Variants in NCAN observed in about 807,000 individuals in gnomAD.
The protein encoded by NCAN is neurocan.
Under a neutral mutation model 121.8 loss-of-function variants are expected in NCAN, and 47 were observed. The observed-to-expected ratio is 0.39, with a 90% confidence interval of 0.31 to 0.49. The LOEUF (loss-of-function observed/expected upper bound fraction) is 0.49. NCAN is among the 20% of genes least tolerant of loss of function. The pLI, the probability that NCAN is intolerant of heterozygous loss-of-function variation, is 0.92. For synonymous variants in NCAN, 633 were observed against 702.0 expected (o/e 0.90, Z 1.55); for missense variants, 1,517 against 1,773.4 (o/e 0.86, Z 2.60).
rs776315304 is a variant in NCAN, at chr19:19,224,444, G to A, written c.778+11G>A. The A allele has an allele frequency of 3.1e-6, 5 of 1,611,666 alleles. No homozygotes were observed. The highest frequency in any genetic ancestry group is 4.2e-6 in the Non-Finnish European group (5 of 1,178,722). On this transcript the variant is annotated intron_variant, in intron 5 of 14. Coordinates refer to ENST00000252575, the MANE Select transcript of NCAN (RefSeq NM_004386.3). ...CCCGGGAGCTGGGGGGTAAGTCTGGGACTGGCAGGACCCGGCCCCTCCGCC... is the reference window on the plus strand; with the variant it reads ...CCCGGGAGCTGGGGGGTAAGTCTGGAACTGGCAGGACCCGGCCCCTCCGCC...
intron 8 of NCAN, among the ~76,000 whole-genome samples, chr19:19,228,923 A>G (rs547174849): frequency 7.0e-4 from 106 of 152,318 alleles, no homozygotes; most frequent in South Asian, 2.7e-3. Flanking sequence ...GAGAGTAGTG[A>G]GTGGCCGGGC....
At position 19,225,040 on chromosome 19, in the gene NCAN, G is replaced by T. The variant is rs774013427; in HGVS notation, c.842G>T (p.Arg281Leu). 2.7e-5 allele frequency: 41 copies of T among 1,502,800 alleles called. No individual in the cohort carries two copies. Among genetic ancestry groups the T allele is most frequent in the Non-Finnish European group, 3.4e-5 (38 of 1,133,790 alleles). 93.1% of individuals were successfully genotyped at this position (1,502,800 alleles called of 1,614,324 possible). Residue 281 changes from arginine (R) to leucine (L), a missense_variant, in exon 6 of 15, where the codon CGC (arginine) becomes CTC (leucine). Transcript: ENST00000252575. The surrounding 1 kb of genome is among the most constrained non-coding windows in gnomAD (Gnocchi z 4.0). ...CTGGCCGGCGCGCGTGCACAGTGCC[G>T]CCGCCAGGGTGCCGCGCTGGCCTCG... ...LTLAGARAQC[R>L]RQGAALASVG...
intron 1 of NCAN, among the ~76,000 whole-genome samples, chr19:19,213,698 T>C (rs1451968996): frequency 6.6e-6 from 1 of 152,074 alleles, no homozygotes; most frequent in Non-Finnish European, 1.5e-5. Context: ...GGCCAAGGGT[T>C]CTTTCCATGC....
At chr19:19,233,717 T>TG (rs1445054089) in intron 8 of NCAN, 72 bp from the exon 9 acceptor site, 2 of 946,536 alleles carry the variant, frequency 2.1e-6, no homozygotes, top group African/African-American at 3.2e-5. Flanking sequence ...TTTGGGGGCC[T>TG]GGGGTCTTGA....
At position 19,227,097 on chromosome 19, in the gene NCAN, G is replaced by A; in HGVS notation, c.1660+24G>A. On this transcript the variant is annotated intron_variant, in intron 7 of 14. Coordinates refer to ENST00000252575, the MANE Select transcript of NCAN (RefSeq NM_004386.3). The surrounding 1 kb of genome is among the most constrained non-coding windows in gnomAD (Gnocchi z 4.2). ...TGGTGAGTTGCTCTGGGGGAGGCGG[G>A]ACCTACCTGGGGATCTGGAGGTGAG... The A allele has an allele frequency of 6.6e-7, 1 of 1,503,852 alleles. No individual in the cohort carries two copies. The highest frequency in any genetic ancestry group is 8.9e-7 in the Non-Finnish European group (1 of 1,128,536). The allele number at this position is 1,503,852 out of a possible 1,614,324, so 93.2% of individuals were successfully genotyped here. A position where few individuals can be genotyped will look rare whatever the true frequency, so the allele number is the denominator to read the frequency against.
chr19:19,228,596 G>C lies in NCAN; in HGVS notation c.2976G>C (p.Glu992Asp). Residue 992 changes from glutamate (E) to aspartate (D), a missense_variant, in exon 8 of 15, where the codon GAG (glutamate) becomes GAC (aspartate). Glu to Asp is a conservative substitution (Grantham distance 45). Coordinates refer to ENST00000252575, the MANE Select transcript of NCAN (RefSeq NM_004386.3). Reference protein sequence around the residue: ...SFWEEVASGEEPALPGTPMNA... With the variant: ...SFWEEVASGEDPALPGTPMNA... The stretch of plus-strand genomic sequence containing the variant: ...GGGAGGAGGTGGCAAGTGGAGAGGA[G>C]CCAGCCCTGCCAGGGACCCCTATGA... 6.2e-7 allele frequency: 1 copy of C among 1,612,594 alleles called. No homozygotes were observed. Among genetic ancestry groups the C allele is most frequent in the South Asian group, 1.1e-5 (1 of 91,064 alleles).
rs770791135 is a variant in NCAN, at chr19:19,250,367, G to T, written c.*456G>T. The T allele has an allele frequency of 1.4e-5, 5 of 355,988 alleles. No individual in the cohort carries two copies. Among genetic ancestry groups the T allele is most frequent in the Non-Finnish European group, 2.2e-5 (4 of 182,010 alleles). The allele number at this position is 355,988 out of a possible 1,614,324, so 22.1% of individuals were successfully genotyped here. On this transcript the variant is annotated 3_prime_UTR_variant, in exon 15 of 15. Coordinates refer to ENST00000252575, the MANE Select transcript of NCAN (RefSeq NM_004386.3). ...GCCTGGACGTAGGGTCATTAGCTTT[G>T]GGAATAGAAGGCTACACAGAAGCAC... is the stretch of plus-strand genomic sequence containing the variant.
At chr19:19,247,206 C>A (rs191846664) in intron 13 of NCAN, among the ~76,000 whole-genome samples, 1 of 152,168 alleles carries the variant, frequency 6.6e-6, no homozygotes, top group African/African-American at 2.4e-5. Context: ...CTACCTCAGT[C>A]TTACCAGTAG....
intron 11 of NCAN, among the ~76,000 whole-genome samples, chr19:19,239,196 C>T (rs2060892732): frequency 6.6e-6 from 1 of 152,084 alleles, no homozygotes; most frequent in African/African-American, 2.4e-5. Context: ...TTCTCCTGGC[C>T]ACAAACCCTG....
intron 12 of NCAN, among the ~76,000 whole-genome samples, chr19:19,243,415 T>C (rs570649126): frequency 5.9e-4 from 87 of 147,436 alleles, no homozygotes; most frequent in Admixed American, 5.6e-3. Context: ...ACTCAGGAGG[T>C]TGGGGCAGGA....
chr19:19,227,146 A>T lies in NCAN; in HGVS notation c.1660+73A>T. ...AGGGTAGAGAGGTAGCCATGGCTAC[A>T]CTCAGAATGAGGGAGGAAGCTCCAA... On this transcript the variant is annotated intron_variant, in intron 7 of 14. Transcript: ENST00000252575. The surrounding 1 kb of genome is among the most constrained non-coding windows in gnomAD (Gnocchi z 4.2). 6.7e-7 allele frequency: 1 copy of T among 1,488,936 alleles called. No individual in the cohort carries two copies. The highest frequency in any genetic ancestry group is 8.9e-7 in the Non-Finnish European group (1 of 1,119,666). 92.2% of individuals were successfully genotyped at this position (1,488,936 alleles called of 1,614,324 possible).
intron 3 of NCAN, among the ~76,000 whole-genome samples, chr19:19,221,048 C>T (rs2060814968): frequency 6.6e-6 from 1 of 150,436 alleles, no homozygotes; most frequent in African/African-American, 2.5e-5. Context: ...GCCTGGGCAA[C>T]ATAGTGAGAC....
At chr19:19,224,220 A>G (rs751443367) in intron 4 of NCAN, 25 bp downstream of exon 4, 92 of 1,587,294 alleles carry the variant, frequency 5.8e-5, no homozygotes, top group Non-Finnish European at 7.7e-5. Context: ...CAGGGCAGGG[A>G]GATGAAGACT....
Position 19,227,951 on chromosome 19 carries a change from G to A in NCAN, c.2331G>A (p.Glu777=). 6 of 1,613,444 alleles carry A rather than the reference G, an allele frequency of 3.7e-6. No individual in the cohort carries two copies. Among genetic ancestry groups the A allele is most frequent in the South Asian group, 1.1e-5 (1 of 91,074 alleles). ...PTSGLQATVD[E]VQDPWPSVYS... The stretch of plus-strand genomic sequence containing the variant: ...CTGGCTTGCAGGCCACTGTAGATGA[G>A]GTGCAGGACCCCTGGCCCTCAGTGT... Residue 777 remains glutamate, a synonymous_variant, in exon 8 of 15, where the codon GAG becomes GAA. Transcript: ENST00000252575. The surrounding 1 kb of genome is among the most constrained non-coding windows in gnomAD (Gnocchi z 4.2).
chr19:19,242,450 G>A (rs2060906641), intron 12 of NCAN, among the ~76,000 whole-genome samples: 2 of 151,696 alleles, frequency 1.3e-5, no homozygotes, highest in Admixed American at 1.3e-4. Context: ...AGCACTTTGG[G>A]AGGTCGAGGC....
At position 19,249,950 on chromosome 19, in the gene NCAN, C is replaced by G; in HGVS notation, c.*39C>G. ...AGAAAGCACAACACCTTTCCCATGC[C>G]TCCTCTGGAGCCTTCGCCTGGGGAG... On this transcript the variant is annotated 3_prime_UTR_variant, in exon 15 of 15. Coordinates refer to ENST00000252575, the MANE Select transcript of NCAN (RefSeq NM_004386.3). The G allele has an allele frequency of 6.3e-7, 1 of 1,583,104 alleles. No homozygotes were observed. Among genetic ancestry groups the G allele is most frequent in the South Asian group, 1.1e-5 (1 of 87,682 alleles).
chr19:19,234,029 C>G, intron 9 of NCAN, 124 bp downstream of exon 9: 1 of 632,350 alleles, frequency 1.6e-6, no homozygotes, highest in South Asian at 1.9e-5. Flanking sequence ...ATGCTCCATT[C>G]CCAAACCCCA....
chr19:19,249,307 G>A (rs376449288), intron 14 of NCAN, among the ~76,000 whole-genome samples: 3 of 152,236 alleles, frequency 2.0e-5, no homozygotes, highest in East Asian at 3.9e-4. Flanking sequence ...CTGAGTTCAT[G>A]TGATCAGCTC....
rs1201465197 is a variant in NCAN at position 19,212,867 on chromosome 19, C to T, written c.-8+803C>T. 1.3e-5 allele frequency among the ~76,000 whole-genome samples: 2 copies of T among 152,196 alleles called. No individual in the cohort carries two copies. The highest frequency in any genetic ancestry group is 4.8e-5 in the African/African-American group (2 of 41,452). ...CAGAGGGGGGGCTGTCCCCCAGCACCTTCACAGCCTCCCACGTCCTTACAG... is the reference window on the plus strand; with the variant it reads ...CAGAGGGGGGGCTGTCCCCCAGCACTTTCACAGCCTCCCACGTCCTTACAG... On this transcript the variant is annotated intron_variant, in intron 1 of 14. Coordinates refer to ENST00000252575, the MANE Select transcript of NCAN (RefSeq NM_004386.3). The surrounding 1 kb of genome is among the most constrained non-coding windows in gnomAD (Gnocchi z 4.5).
Sources: gnomAD v4.1 joint callset for allele counts (sites outside exome capture counted in the v4.1 genomes callset) on GRCh38, gnomAD v4.1.1 for gene constraint, Gnocchi (gnomAD v3.1) non-coding constraint, MANE v1.5 for transcripts, NCBI Gene and HGNC (gene_info 2026-07-23, HGNC 2026-07-21) for gene names.